COL23A1: variants seen among roughly 807,000 people sequenced by gnomAD.
COL23A1 encodes collagen alpha-1(XXIII) chain.
A neutral mutation model predicts 99.3 loss-of-function variants in COL23A1; 97 were observed. The ratio of observed to expected loss-of-function variants is 0.98; its 90% CI spans 0.83 to 1.16. COL23A1 has a LOEUF of 1.16. Among genes scored for constraint, COL23A1 ranks in the 50% most tolerant of loss-of-function variants. COL23A1 has a pLI of 0.00. For synonymous variants in COL23A1, 320 were observed against 308.2 expected, an observed-to-expected ratio of 1.04 and a Z score of -0.40; for missense variants, 762 against 757.4, an observed-to-expected ratio of 1.01 and a Z score of -0.07.
chr5:178,253,117 G>A (rs910956746), intron 16 of COL23A1, among the ~76,000 whole-genome samples: 3 of 151,102 alleles, frequency 2.0e-5, no homozygotes, highest in Non-Finnish European at 4.4e-5. Context: ...TTCCAGGTCC[G>A]ACCCCACTCT....
intron 2 of COL23A1, among the ~76,000 whole-genome samples, chr5:178,523,167 T>TACAC (rs1562051551): frequency 9.0e-6 from 1 of 110,902 alleles, no homozygotes. Flanking sequence ...TATATACATA[T>TACAC]ATATATATAT....
At chr5:178,253,009 T>TGTCCTGTGAGCTCTCTGACC (rs557753812) in intron 16 of COL23A1, among the ~76,000 whole-genome samples, 1,686 of 152,322 alleles carry the variant, frequency 0.011, 41 homozygotes, top group African/African-American at 0.038. Flanking sequence ...CGTCTCTGAC[T>TGTCCTGTGAGCTCTCTGACC]GTCCTGTGAG....
intron 1 of COL23A1, chr5:178,562,329 C>G (rs1350594396): frequency 1.3e-5 from 3 of 229,412 alleles, no homozygotes; most frequent in African/African-American, 4.7e-5. Context: ...CCGAGGCCGG[C>G]GGATCACGAG....
chr5:178,250,199 A>C (rs572144837), intron 17 of COL23A1, 94 bp from the exon 18 acceptor site: 1 of 1,469,622 alleles, frequency 6.8e-7, no homozygotes, highest in Non-Finnish European at 9.4e-7. Flanking sequence ...CACCCGGCCC[A>C]GGGTGGGTCT....
intron 2 of COL23A1, among the ~76,000 whole-genome samples, chr5:178,361,409 G>C (rs1167452888): frequency 6.6e-6 from 1 of 152,158 alleles, no homozygotes; most frequent in East Asian, 1.9e-4. Flanking sequence ...CTTGCTCTGA[G>C]GAATGATCTT....
At chr5:178,331,264 G>T (rs1760002455) in intron 2 of COL23A1, among the ~76,000 whole-genome samples, 1 of 152,208 alleles carries the variant, frequency 6.6e-6, no homozygotes, top group Non-Finnish European at 1.5e-5. Context: ...GACCCTTCTG[G>T]GTATATCTGG....
intron 2 of COL23A1, among the ~76,000 whole-genome samples, chr5:178,423,663 A>C (rs1229284423): frequency 6.6e-6 from 1 of 152,136 alleles, no homozygotes; most frequent in African/African-American, 2.4e-5. Context: ...CAGCCCTGGC[A>C]CGTCCCCTCT....
At chr5:178,278,962 C>G (rs1006370264) in intron 5 of COL23A1, among the ~76,000 whole-genome samples, 1 of 152,184 alleles carries the variant, frequency 6.6e-6, no homozygotes, top group African/African-American at 2.4e-5. Context: ...TGGGCCCTTC[C>G]CTCCCTATCT....
intron 5 of COL23A1, among the ~76,000 whole-genome samples, chr5:178,286,920 C>T (rs1757188796): frequency 1.3e-5 from 2 of 152,258 alleles, no homozygotes; most frequent in South Asian, 2.1e-4. Flanking sequence ...CACCCTCTCC[C>T]CTCTGGACCT....
At chr5:178,534,869 C>G (rs529482581) in intron 2 of COL23A1, among the ~76,000 whole-genome samples, 1 of 152,308 alleles carries the variant, frequency 6.6e-6, no homozygotes, top group East Asian at 1.9e-4. Flanking sequence ...CATTAAATCC[C>G]CATAAAAACT....
At chr5:178,315,536 T>C (rs1166589822) in intron 2 of COL23A1, among the ~76,000 whole-genome samples, 1 of 152,200 alleles carries the variant, frequency 6.6e-6, no homozygotes, top group African/African-American at 2.4e-5. Context: ...TCCTAAGTTC[T>C]TCCTTTTCAG....
intron 1 of COL23A1, among the ~76,000 whole-genome samples, chr5:178,574,020 G>A (rs776711274): frequency 2.0e-5 from 3 of 152,122 alleles, no homozygotes; most frequent in South Asian, 2.1e-4. Flanking sequence ...CATCACGCCC[G>A]CCTAATTTTT....
chr5:178,326,868 TG>T (rs1759702627), intron 2 of COL23A1, among the ~76,000 whole-genome samples: 1 of 152,116 alleles, frequency 6.6e-6, no homozygotes, highest in Non-Finnish European at 1.5e-5. Context: ...TACAGGCGCC[TG>T]CCACCACGCC....
At chr5:178,484,618 T>C (rs1225921177) in intron 2 of COL23A1, among the ~76,000 whole-genome samples, 1 of 151,476 alleles carries the variant, frequency 6.6e-6, no homozygotes, top group Non-Finnish European at 1.5e-5. Context: ...GGTCGGGAGA[T>C]TGAGACCATC....
chr5:178,432,772 T>C (rs4246819), intron 2 of COL23A1, among the ~76,000 whole-genome samples: 152,223 of 152,252 alleles, frequency 1, 76,097 homozygotes, highest in Middle Eastern at 1. Flanking sequence ...TCGTGCTGAG[T>C]GCCTGCCTGG....
chr5:178,484,821 C>CAAAAAA (rs397746374), intron 2 of COL23A1, among the ~76,000 whole-genome samples: 1 of 90,418 alleles, frequency 1.1e-5, no homozygotes, highest in Non-Finnish European at 2.2e-5. Context: ...GACTCTGTCT[C>CAAAAAA]AAAAAAAAAA....
At chr5:178,479,541 G>A (rs191967019) in intron 2 of COL23A1, among the ~76,000 whole-genome samples, 1 of 152,196 alleles carries the variant, frequency 6.6e-6, no homozygotes, top group Non-Finnish European at 1.5e-5. Flanking sequence ...CTTCAGACCA[G>A]AGTACATGGG....
rs60751212 is a variant in COL23A1, at chr5:178,249,743, C to CTA, written c.1059+317_1059+318insTA. Reference sequence around the variant, plus strand: ...TCTCTCTCTCTCTCTCTCTCTCTCTCTCTCTCTCGAATTGGGGCAATACCT... The same window carrying CTA: ...TCTCTCTCTCTCTCTCTCTCTCTCTCTATCTCTCTCGAATTGGGGCAATACCT... On this transcript the variant is annotated intron_variant, in intron 18 of 28. Transcript: ENST00000390654. 4.6e-3 allele frequency among the ~76,000 whole-genome samples: 668 copies of CTA among 145,276 alleles called. 1 individual carries two copies. The highest frequency in any genetic ancestry group is 0.011 in the African/African-American group (450 of 39,206).
chr5:178,446,132 A>C (rs1767148870), intron 2 of COL23A1, among the ~76,000 whole-genome samples: 1 of 152,052 alleles, frequency 6.6e-6, no homozygotes, highest in African/African-American at 2.4e-5. Context: ...CACCCAGTAC[A>C]GGGGCGTTCT....
Sources: allele counts gnomAD v4.1 joint callset (sites outside exome capture counted in the v4.1 genomes callset), GRCh38; gene constraint gnomAD v4.1.1; transcripts MANE v1.5; gene names NCBI Gene and HGNC (gene_info 2026-07-23, HGNC 2026-07-21).